Variants in ERMARD observed in about 807,000 individuals in gnomAD.
The protein encoded by ERMARD is endoplasmic reticulum membrane-associated RNA degradation protein.
A neutral mutation model predicts 83.9 loss-of-function variants in ERMARD; 71 were observed. The observed-to-expected ratio is 0.85, with a 90% confidence interval of 0.70 to 1.03. The LOEUF (loss-of-function observed/expected upper bound fraction) is 1.03. Among genes scored for constraint, ERMARD ranks in the 50% least tolerant of loss-of-function variants. ERMARD has a pLI of 0.00. For synonymous variants in ERMARD, 284 were observed against 298.6 expected, an observed-to-expected ratio of 0.95 and a Z score of 0.50; for missense variants, 838 against 810.9, an observed-to-expected ratio of 1.03 and a Z score of -0.41.
chr6:169,772,166 TGTC>T (rs1324234552), intron 12 of ERMARD: 4 of 152,356 alleles, frequency 2.6e-5, no homozygotes, highest in Non-Finnish European at 5.9e-5. Flanking sequence ...CCCTTCACCT[TGTC>T]GTAACACAGC....
In ERMARD at chr6:169,757,446, A is replaced by C. The variant is rs1360709778; in HGVS notation, c.507+638A>C. Among the ~76,000 whole-genome samples, 8 of 152,308 alleles carry C rather than the reference A, an allele frequency of 5.3e-5. No homozygotes were observed. The East Asian group carries it at 1.5e-3, about 29-fold the overall frequency. ...TTAATAACTATAATACTAAATCCAGAATACAACTTTAACCCTTTAAATGAG... is the reference window on the plus strand; with the variant it reads ...TTAATAACTATAATACTAAATCCAGCATACAACTTTAACCCTTTAAATGAG... On this transcript the variant is annotated intron_variant, in intron 5 of 17. Transcript: ENST00000366773.
At chr6:169,761,582 G>A (rs369275255) in intron 8 of ERMARD, among the ~76,000 whole-genome samples, 1 of 152,180 alleles carries the variant, frequency 6.6e-6, no homozygotes, top group African/African-American at 2.4e-5. Flanking sequence ...TTATTCTGTA[G>A]AAGCTACTAA....
At chr6:169,780,332 A>T (rs1160865703) in intron 17 of ERMARD, among the ~76,000 whole-genome samples, 2 of 152,142 alleles carry the variant, frequency 1.3e-5, no homozygotes, top group Admixed American at 1.3e-4. Flanking sequence ...CCCCTGGGGG[A>T]TAAAATCACC....
chr6:169,758,160 C>T (rs910836080), intron 5 of ERMARD, among the ~76,000 whole-genome samples: 2 of 152,242 alleles, frequency 1.3e-5, no homozygotes, highest in African/African-American at 2.4e-5. Flanking sequence ...GTTCAGAATG[C>T]GTCCATATTC....
At chr6:169,751,362 G>A, upstream of ERMARD, 1 of 1,614,082 alleles carries the variant, frequency 6.2e-7, no homozygotes, top group Non-Finnish European at 8.5e-7. Context: ...AACATGCTAG[G>A]CCTCCTTTCT....
At chr6:169,774,193 G>A (rs755554617) in intron 13 of ERMARD, among the ~76,000 whole-genome samples, 16 of 152,162 alleles carry the variant, frequency 1.1e-4, no homozygotes, top group Admixed American at 1.0e-3. Flanking sequence ...AATTAGCCGG[G>A]CGTGATGGCA....
upstream of ERMARD, chr6:169,751,402 G>T: frequency 1.2e-6 from 2 of 1,614,136 alleles, no homozygotes; most frequent in Non-Finnish European, 1.7e-6. Context: ...CCTGCTGAGG[G>T]GTCTGGTTCG....
At position 169,776,789 on chromosome 6, in the gene ERMARD, CA is replaced by C. The variant is rs1382394980; in HGVS notation, c.1739+117del. 20 of 1,196,300 alleles carry C rather than the reference CA, an allele frequency of 1.7e-5. No homozygotes were observed. The African/African-American group carries it at 2.3e-4, about 14-fold the overall frequency. The allele number at this position is 1,196,300 out of a possible 1,614,324, so 74.1% of individuals were successfully genotyped here. A position where few individuals can be genotyped will look rare whatever the true frequency, so the allele number is the denominator to read the frequency against. On this transcript the variant is annotated intron_variant, in intron 16 of 17. Coordinates refer to ENST00000366773, the MANE Select transcript of ERMARD (RefSeq NM_018341.3). ...GTAGCCCCTCACTGAACCCCATCGACAGGTGTTGATATACTTGGAGTCCACA... is the reference window on the plus strand; with the variant it reads ...GTAGCCCCTCACTGAACCCCATCGACGGTGTTGATATACTTGGAGTCCACA...
chr6:169,776,555 G>A lies in ERMARD; in HGVS notation c.1621G>A (p.Glu541Lys), dbSNP rs559633528. ...GCTGGTTGTGCTCCGAAGCATCAGC[G>A]AACAGTGCCGCCGTGTGTCCAGCCA... is the stretch of plus-strand genomic sequence containing the variant. ...EVLVVLRSIS[E>K]QCRRVSSQVT... The change falls in exon 16 of 18, where the codon GAA becomes AAA. Residue 541 changes from glutamate to lysine, a missense_variant. Glu to Lys is a moderately conservative substitution (Grantham distance 56). Coordinates refer to ENST00000366773, the MANE Select transcript of ERMARD (RefSeq NM_018341.3). 1.1e-5 allele frequency: 17 copies of A among 1,614,176 alleles called. No homozygotes were observed. Among genetic ancestry groups the A allele is most frequent in the Middle Eastern group, 1.6e-4 (1 of 6,062 alleles).
chr6:169,779,327 T>C, intron 17 of ERMARD, 32 bp downstream of exon 17: 2 of 1,581,602 alleles, frequency 1.3e-6, no homozygotes, highest in Non-Finnish European at 1.7e-6. Context: ...TGCAGTCACA[T>C]TGCATCGTGG....
chr6:169,774,101 C>G (rs111948095), intron 13 of ERMARD, among the ~76,000 whole-genome samples: 3 of 152,218 alleles, frequency 2.0e-5, no homozygotes, highest in Non-Finnish European at 2.9e-5. Flanking sequence ...TTTGGGAGGC[C>G]GAGGCGGGCG....
At chr6:169,751,442 C>T, upstream of ERMARD, 2 of 1,614,064 alleles carry the variant, frequency 1.2e-6, no homozygotes, top group Non-Finnish European at 1.7e-6. Flanking sequence ...CTTCACGCCT[C>T]GGCCTCGCTT....
chr6:169,776,595 C>T lies in ERMARD; in HGVS notation c.1661C>T (p.Ser554Leu), dbSNP rs759294481. The T allele has an allele frequency of 1.2e-6, 2 of 1,614,268 alleles. No homozygotes were observed. Among genetic ancestry groups the T allele is most frequent in the Non-Finnish European group, 8.5e-7 (1 of 1,180,048 alleles). The change falls in exon 16 of 18, where the codon TCA becomes TTA. Residue 554 changes from serine (S) to leucine (L), a missense_variant. By Grantham distance (145) the Ser-to-Leu change is moderately radical. Transcript: ENST00000366773. ...GTGTCCAGCCAGGTCACCGTTGCCT[C>T]AGAGCTGAGACACAGGCAGTGGGTG... ...RRVSSQVTVA[S>L]ELRHRQWVER... is the part of the protein sequence containing the mutation.
Position 169,758,223 on chromosome 6 carries a change from C to T in ERMARD, c.508-745C>T, listed in dbSNP as rs138853270. On this transcript the variant is annotated intron_variant, in intron 5 of 17. Transcript: ENST00000366773. ...ATGAAGACAGTGTTCACTTCCTTCT[C>T]GAGTCTTCTGGAGGCTCAACCATAC... Among the ~76,000 whole-genome samples the T allele has an allele frequency of 9.4e-3, 1,431 of 152,344 alleles. 17 individuals carry two copies. The highest frequency in any genetic ancestry group is 0.032 in the African/African-American group (1,331 of 41,574).
Position 169,751,711 on chromosome 6 carries a change from C to T in ERMARD, c.6+48C>T, listed in dbSNP as rs760864576. On this transcript the variant is annotated intron_variant, in intron 1 of 17. Transcript: ENST00000366773. ...TTCGATCCCGAGCTAGGCAGGGAGT[C>T]GGCGCCAGGCTGGGTGGTGCTCGGC... is the stretch of plus-strand genomic sequence containing the variant. 142 of 1,523,620 alleles carry T rather than the reference C, an allele frequency of 9.3e-5. 1 individual carries two copies. Among genetic ancestry groups the T allele is most frequent in the Non-Finnish European group, 1.1e-4 (130 of 1,135,040 alleles). The allele number at this position is 1,523,620 out of a possible 1,614,324, so 94.4% of individuals were successfully genotyped here.
rs1164726484 is a variant in ERMARD at position 169,775,947 on chromosome 6, G to A, written c.1402G>A (p.Asp468Asn). 2 of 1,613,896 alleles carry A rather than the reference G, an allele frequency of 1.2e-6. No individual in the cohort carries two copies. The highest frequency in any genetic ancestry group is 1.7e-5 in the Admixed American group (1 of 59,948). ...ATATTTTCTGTTTTTCAGATTAGAA[G>A]ATAATTCTGAAACAAATGCCTGCCA... ...ELTRQAVRLEDNSETNACHSL... is the reference protein window; with the variant it reads ...ELTRQAVRLENNSETNACHSL... The change falls in exon 15 of 18, where the codon GAT becomes AAT. Residue 468 changes from aspartate to asparagine, a missense_variant. Physicochemically the swap from Asp to Asn is conservative, Grantham distance 23 (BLOSUM62 1). Transcript: ENST00000366773.
intron 1 of ERMARD, 134 bp from the exon 2 acceptor site, chr6:169,753,730 T>G: frequency 1.8e-6 from 1 of 554,990 alleles, no homozygotes; most frequent in South Asian, 4.3e-5. Flanking sequence ...CATACAGCTC[T>G]CACGATATCC....
rs550542026 is a variant in ERMARD at position 169,771,771 on chromosome 6, C to T, written c.1234-1548C>T. ...GTTCCACAGTCCAGGCGCGGTGGCT[C>T]ACACCTGTAATCCCAGCACTTTGGG... is the stretch of plus-strand genomic sequence containing the variant. On this transcript the variant is annotated intron_variant, in intron 12 of 17. Transcript: ENST00000366773. The T allele has an allele frequency of 2.6e-5, 4 of 152,396 alleles. No homozygotes were observed. The East Asian group carries it at 5.8e-4, about 22-fold the overall frequency. The allele number at this position is 152,396 out of a possible 1,614,324, so 9.4% of individuals were successfully genotyped here. A position where few individuals can be genotyped will look rare whatever the true frequency, so the allele number is the denominator to read the frequency against.
chr6:169,752,594 C>G (rs772553896), intron 1 of ERMARD, among the ~76,000 whole-genome samples: 1 of 152,162 alleles, frequency 6.6e-6, no homozygotes, highest in Non-Finnish European at 1.5e-5. Context: ...AGTGCAACTT[C>G]TGGGTGCAGG....
Sources: allele counts gnomAD v4.1 joint callset (sites outside exome capture counted in the v4.1 genomes callset), GRCh38; gene constraint gnomAD v4.1.1; transcripts MANE v1.5; gene names NCBI Gene and HGNC (gene_info 2026-07-23, HGNC 2026-07-21).